VOPP1: variants seen among roughly 807,000 people sequenced by gnomAD.
The protein encoded by VOPP1 is VOPP1 WW domain binding protein.
Under a neutral mutation model 23.5 loss-of-function variants are expected in VOPP1, and 8 were observed. The observed-to-expected ratio is 0.34, with a 90% confidence interval of 0.20 to 0.61. The LOEUF is 0.61. Among genes scored for constraint, VOPP1 ranks in the 20% least tolerant of loss-of-function variants. The probability of loss-of-function intolerance (pLI) is 0.78; values close to 1 mark genes in which losing one functional copy is unlikely to be tolerated. For synonymous variants in VOPP1, 83 were observed against 97.3 expected (o/e 0.85, Z 0.86); for missense variants, 174 against 238.1 (o/e 0.73, Z 1.77).
At chr7:55,476,477 A>G (rs1792267723) in intron 4 of VOPP1, among the ~76,000 whole-genome samples, 2 of 152,000 alleles carry the variant, frequency 1.3e-5, no homozygotes, top group Admixed American at 6.6e-5. Flanking sequence ...GGGATGCAAA[A>G]GAGTCCGGCA....
chr7:55,543,871 T>C (rs1342372986), intron 1 of VOPP1, among the ~76,000 whole-genome samples: 3 of 152,248 alleles, frequency 2.0e-5, no homozygotes, highest in Non-Finnish European at 4.4e-5. Flanking sequence ...GTCTTTTCAC[T>C]TTGTTGATTG....
At chr7:55,526,422 A>G (rs974605991) in intron 1 of VOPP1, among the ~76,000 whole-genome samples, 1 of 152,192 alleles carries the variant, frequency 6.6e-6, no homozygotes, top group Non-Finnish European at 1.5e-5. Flanking sequence ...AGTGACATAA[A>G]TTACTCCTCC....
chr7:55,520,161 T>C (rs115297820), intron 2 of VOPP1, among the ~76,000 whole-genome samples: 2,335 of 152,000 alleles, frequency 0.015, 67 homozygotes, highest in African/African-American at 0.052. Flanking sequence ...GTAAGAAAAA[T>C]GTATGTTCTG....
intron 1 of VOPP1, chr7:55,561,723 G>T (rs915840463): frequency 8.7e-6 from 3 of 343,562 alleles, no homozygotes; most frequent in East Asian, 4.8e-5. Context: ...AAAAGAAGAA[G>T]AATTCACAGA....
At chr7:55,518,116 G>C (rs1404278366) in intron 2 of VOPP1, among the ~76,000 whole-genome samples, 1 of 152,196 alleles carries the variant, frequency 6.6e-6, no homozygotes, top group Non-Finnish European at 1.5e-5. Flanking sequence ...TGGGACTTCT[G>C]CACTGGCCGT....
intron 4 of VOPP1, among the ~76,000 whole-genome samples, chr7:55,439,320 G>A (rs1051239550): frequency 2.0e-5 from 3 of 151,896 alleles, no homozygotes; most frequent in African/African-American, 4.8e-5. Flanking sequence ...GGGAGGGGTC[G>A]CCTGTGTCAG....
chr7:55,507,819 A>C (rs1794830138), intron 2 of VOPP1, among the ~76,000 whole-genome samples: 1 of 152,134 alleles, frequency 6.6e-6, no homozygotes, highest in South Asian at 2.1e-4. Flanking sequence ...TTCAACTTTT[A>C]TTTGGTCAAC....
At chr7:55,557,237 T>C (rs931436600) in intron 1 of VOPP1, among the ~76,000 whole-genome samples, 2 of 151,992 alleles carry the variant, frequency 1.3e-5, no homozygotes, top group Non-Finnish European at 2.9e-5. Flanking sequence ...AAAGCCCCAG[T>C]CTCCTGAGCC....
intron 3 of VOPP1, among the ~76,000 whole-genome samples, chr7:55,494,564 T>TA (rs201560523): frequency 0.012 from 1,843 of 152,320 alleles, 12 homozygotes; most frequent in Middle Eastern, 0.02. Context: ...GGAATGGAGT[T>TA]ACACGGGATC....
intron 1 of VOPP1, among the ~76,000 whole-genome samples, chr7:55,536,819 G>A (rs767209654): frequency 7.2e-5 from 11 of 152,270 alleles, no homozygotes; most frequent in African/African-American, 1.4e-4. Context: ...ACGGAAGGGC[G>A]CACCGTACCC....
intron 1 of VOPP1, among the ~76,000 whole-genome samples, chr7:55,539,850 A>G (rs1204169797): frequency 6.6e-6 from 1 of 151,688 alleles, no homozygotes; most frequent in African/African-American, 2.4e-5. Context: ...ACATACACGC[A>G]TATTTGTCAT....
intron 3 of VOPP1, among the ~76,000 whole-genome samples, chr7:55,494,749 T>C (rs1370333707): frequency 6.6e-6 from 1 of 152,178 alleles, no homozygotes; most frequent in African/African-American, 2.4e-5. Flanking sequence ...AGTGCACCAT[T>C]GTGCTAGGCC....
At chr7:55,487,723 T>C (rs1375027167) in intron 4 of VOPP1, among the ~76,000 whole-genome samples, 1 of 152,272 alleles carries the variant, frequency 6.6e-6, no homozygotes, top group Admixed American at 6.5e-5. Context: ...ATCTTGACTA[T>C]GAACTTTAAT....
intron 1 of VOPP1, among the ~76,000 whole-genome samples, chr7:55,554,525 G>A (rs1279971536): frequency 1.3e-5 from 2 of 152,206 alleles, no homozygotes; most frequent in Non-Finnish European, 2.9e-5. Flanking sequence ...TAGAGAAAAC[G>A]GGGCCTGGGA....
intron 1 of VOPP1, among the ~76,000 whole-genome samples, chr7:55,541,092 A>G (rs955712011): frequency 1.3e-5 from 2 of 152,222 alleles, no homozygotes; most frequent in East Asian, 3.9e-4. Context: ...CTCAATATCA[A>G]AAACAGAAGC....
chr7:55,469,872 T>C (rs1003688582), downstream of VOPP1, among the ~76,000 whole-genome samples: 1 of 152,160 alleles, frequency 6.6e-6, no homozygotes, highest in Non-Finnish European at 1.5e-5. Flanking sequence ...GGGACCATGC[T>C]CTAGGACCCA....
intron 4 of VOPP1, among the ~76,000 whole-genome samples, chr7:55,438,180 C>G (rs1441093130): frequency 6.6e-6 from 1 of 152,112 alleles, no homozygotes; most frequent in Non-Finnish European, 1.5e-5. Flanking sequence ...CAGGTGTGAG[C>G]CACTGCGCCT....
intron 4 of VOPP1, among the ~76,000 whole-genome samples, chr7:55,457,709 A>G (rs1791403173): frequency 6.6e-6 from 1 of 151,906 alleles, no homozygotes; most frequent in African/African-American, 2.4e-5. Context: ...CCTGATGGCT[A>G]GTGATGTTAA....
chr7:55,517,195 C>T (rs1180287437), intron 2 of VOPP1, among the ~76,000 whole-genome samples: 3 of 151,172 alleles, frequency 2.0e-5, no homozygotes, highest in African/African-American at 7.3e-5. Flanking sequence ...GAGATCAGCC[C>T]GACTCGGCCT....
Sources: allele counts gnomAD v4.1 joint callset (sites outside exome capture counted in the v4.1 genomes callset), GRCh38; gene constraint gnomAD v4.1.1; transcripts MANE v1.5; gene names NCBI Gene and HGNC (gene_info 2026-07-23, HGNC 2026-07-21).